The following AMPH variants were observed in gnomAD, a reference collection of about 807,000 sequenced individuals.
AMPH encodes amphiphysin.
Under a neutral mutation model 99.1 loss-of-function variants are expected in AMPH, and 49 were observed. That is an observed-to-expected ratio of 0.49 (90% CI 0.39 to 0.63). The LOEUF is 0.63. Among genes scored for constraint, AMPH ranks in the 20% least tolerant of loss-of-function variants. The probability of loss-of-function intolerance (pLI) is 0.00; values close to 1 mark genes in which losing one functional copy is unlikely to be tolerated. For synonymous variants in AMPH, 314 were observed against 317.3 expected (o/e 0.99, Z 0.11); for missense variants, 759 against 863.4 (o/e 0.88, Z 1.52).
intron 11 of AMPH, among the ~76,000 whole-genome samples, chr7:38,437,639 A>AAGAAAAGAAAAG (rs1554336210): frequency 5.2e-5 from 5 of 96,728 alleles, no homozygotes; most frequent in South Asian, 4.0e-4. Context: ...AAAAAAAAAA[A>AAGAAAAGAAAAG]AAAAGAAAAG....
At chr7:38,624,661 T>C (rs1306503531) in intron 1 of AMPH, among the ~76,000 whole-genome samples, 3 of 103,136 alleles carry the variant, frequency 2.9e-5, no homozygotes, top group East Asian at 2.1e-4. Flanking sequence ...TAGAAGAAGA[T>C]GGGCAAAAAA....
At chr7:38,384,959 C>G in intron 20 of AMPH, 34 bp from the exon 21 acceptor site, 3 of 1,571,740 alleles carry the variant, frequency 1.9e-6, no homozygotes, top group Non-Finnish European at 2.6e-6. Flanking sequence ...CAGGGTCCAG[C>G]AAACTACTGG....
At chr7:38,492,857 T>C (rs1013214909) in intron 4 of AMPH, among the ~76,000 whole-genome samples, 2 of 152,234 alleles carry the variant, frequency 1.3e-5, no homozygotes, top group African/African-American at 4.8e-5. Flanking sequence ...AAATTATTTT[T>C]TTGTGATGAA....
At chr7:38,419,992 G>A (rs948804536) in intron 16 of AMPH, among the ~76,000 whole-genome samples, 4 of 152,170 alleles carry the variant, frequency 2.6e-5, no homozygotes, top group African/African-American at 7.2e-5. Flanking sequence ...TTTTATAAAT[G>A]AGCCCAATTG....
rs560808720 is a variant in AMPH, at chr7:38,463,075, G to A, written c.788C>T (p.Pro263Leu). The A allele has an allele frequency of 1.6e-5, 26 of 1,612,798 alleles. No homozygotes were observed. The highest frequency in any genetic ancestry group is 1.3e-4 in the South Asian group (12 of 90,944). ...CGGGAGGGGTGAAGGCTCCTCAGGC[G>A]GTGATGGTGTCTTTGCAATGCGGAG... ...GPLRIAKTPS[P>L]PEEPSPLPSP... The change falls in exon 10 of 21, where the codon CCG becomes CTG. Residue 263 changes from proline (P) to leucine (L), a missense_variant. By Grantham distance (98) the Pro-to-Leu change is moderately conservative. Transcript: ENST00000356264.
chr7:38,536,066 T>TC (rs1282135593), intron 1 of AMPH, among the ~76,000 whole-genome samples: 1 of 151,954 alleles, frequency 6.6e-6, no homozygotes, highest in Non-Finnish European at 1.5e-5. Context: ...TAAACACGGG[T>TC]CACCCAGAAA....
intron 11 of AMPH, among the ~76,000 whole-genome samples, chr7:38,458,174 A>G (rs1384501273): frequency 1.3e-5 from 2 of 152,122 alleles, no homozygotes; most frequent in Non-Finnish European, 2.9e-5. Flanking sequence ...GCATCACGCA[A>G]TATCTCCATG....
chr7:38,466,156 T>C lies in AMPH; in HGVS notation c.666+17A>G. 6.3e-7 allele frequency: 1 copy of C among 1,596,694 alleles called. No homozygotes were observed. Among genetic ancestry groups the C allele is most frequent in the Non-Finnish European group, 8.5e-7 (1 of 1,170,738 alleles). On this transcript the variant is annotated intron_variant, in intron 8 of 20. Coordinates refer to ENST00000356264, the MANE Select transcript of AMPH (RefSeq NM_001635.4). ...TTACTTTATATTCCATATGCAAAAATTATCGTCATGACTCACCACCGCAAT... is the reference window on the plus strand; with the variant it reads ...TTACTTTATATTCCATATGCAAAAACTATCGTCATGACTCACCACCGCAAT...
At chr7:38,487,348 G>C (rs940957225) in intron 5 of AMPH, among the ~76,000 whole-genome samples, 44 of 152,074 alleles carry the variant, frequency 2.9e-4, no homozygotes, top group African/African-American at 9.9e-4. Flanking sequence ...GAACAGAACA[G>C]AGGCCTCAGA....
At chr7:38,524,106 C>T (rs889505959) in intron 2 of AMPH, among the ~76,000 whole-genome samples, 2 of 152,148 alleles carry the variant, frequency 1.3e-5, no homozygotes, top group African/African-American at 4.8e-5. Flanking sequence ...TGACAGCATA[C>T]ACTGGGCATC....
At chr7:38,534,023 A>T (rs1236911234) in intron 2 of AMPH, among the ~76,000 whole-genome samples, 1 of 150,936 alleles carries the variant, frequency 6.6e-6, no homozygotes, top group African/African-American at 2.4e-5. Context: ...CAAACATCAC[A>T]ATCTGTTTCT....
intron 17 of AMPH, 45 bp downstream of exon 17, chr7:38,417,780 T>C: frequency 6.2e-7 from 1 of 1,607,826 alleles, no homozygotes; most frequent in Non-Finnish European, 8.5e-7. Context: ...TGAGCATGGC[T>C]GTGGCAGCGA....
At chr7:38,521,372 T>C (rs1418514529) in intron 2 of AMPH, among the ~76,000 whole-genome samples, 1 of 151,994 alleles carries the variant, frequency 6.6e-6, no homozygotes, top group African/African-American at 2.4e-5. Context: ...AACACAAAAA[T>C]TAGTCAGGCG....
Position 38,472,161 on chromosome 7 carries a change from T to C in AMPH, c.590+3170A>G, listed in dbSNP as rs74987906. On this transcript the variant is annotated intron_variant, in intron 7 of 20. Transcript: ENST00000356264. ...AACATTCTGAAGGATTATAAATAGTTTGATGCATTAATAACTAACATGTAA... is the reference window on the plus strand; with the variant it reads ...AACATTCTGAAGGATTATAAATAGTCTGATGCATTAATAACTAACATGTAA... 2.8e-3 allele frequency among the ~76,000 whole-genome samples: 430 copies of C among 152,288 alleles called. 10 individuals are homozygous for C. In the East Asian group the frequency reaches 0.074, roughly 26 times the overall value.
intron 17 of AMPH, among the ~76,000 whole-genome samples, chr7:38,410,031 G>A (rs1011931701): frequency 6.6e-6 from 1 of 152,218 alleles, no homozygotes; most frequent in African/African-American, 2.4e-5. Flanking sequence ...AGCAGCCGCC[G>A]TGGACAGCTT....
At chr7:38,397,670 G>A (rs562971117) in intron 17 of AMPH, among the ~76,000 whole-genome samples, 4 of 152,268 alleles carry the variant, frequency 2.6e-5, no homozygotes, top group East Asian at 1.9e-4. Context: ...ATGGGATTAC[G>A]TCAAGTTAAA....
At chr7:38,522,664 A>G (rs1329334738) in intron 2 of AMPH, among the ~76,000 whole-genome samples, 1 of 152,142 alleles carries the variant, frequency 6.6e-6, no homozygotes, top group Non-Finnish European at 1.5e-5. Context: ...AGAGCAGGGG[A>G]CCCTGGACTG....
chr7:38,400,535 G>A (rs988953318), intron 17 of AMPH, among the ~76,000 whole-genome samples: 9 of 152,226 alleles, frequency 5.9e-5, no homozygotes, highest in African/African-American at 2.2e-4. Context: ...CAATAGCCTA[G>A]GTTATCAATC....
chr7:38,491,440 CT>C (rs1400541621), intron 4 of AMPH, among the ~76,000 whole-genome samples: 1 of 152,094 alleles, frequency 6.6e-6, no homozygotes, highest in Non-Finnish European at 1.5e-5. Context: ...TATAGATGGA[CT>C]TTGGGGCTAA....
Sources: allele counts gnomAD v4.1 joint callset (sites outside exome capture counted in the v4.1 genomes callset), GRCh38; gene constraint gnomAD v4.1.1; transcripts MANE v1.5; gene names NCBI Gene and HGNC (gene_info 2026-07-23, HGNC 2026-07-21).